The following PCDHA10 variants were observed in gnomAD, a reference collection of about 807,000 sequenced individuals.
PCDHA10 encodes the protein protocadherin alpha 10, also known as protocadherin alpha-10.
PCDHA10 carries 45 observed loss-of-function variants against 61.2 expected under a neutral mutation model. That is an observed-to-expected ratio of 0.74 (90% confidence interval 0.58 to 0.94). PCDHA10 has a LOEUF of 0.94. Ranked by LOEUF, PCDHA10 falls within the 40% of genes least tolerant of loss-of-function variation. PCDHA10 has a pLI of 0.00. For missense variants in PCDHA10, 1,278 were observed against 1,236.2 expected (o/e 1.03, Z -0.51); for synonymous variants, 602 against 548.8 (o/e 1.10, Z -1.35).
intron 1 of PCDHA10, chr5:140,862,278 C>G (rs1367349322): frequency 7.9e-6 from 2 of 252,960 alleles, no homozygotes; most frequent in Middle Eastern, 1.4e-3. Context: ...CTATCATTCC[C>G]TGTACAGGAG....
At chr5:140,885,124 T>C (rs1019759458) in intron 1 of PCDHA10, among the ~76,000 whole-genome samples, 35 of 152,216 alleles carry the variant, frequency 2.3e-4, no homozygotes, top group African/African-American at 8.2e-4. Flanking sequence ...TGCACTTTTC[T>C]TTCTTTCTTT....
At chr5:140,962,716 G>A (rs1268660102) in intron 1 of PCDHA10, among the ~76,000 whole-genome samples, 2 of 152,304 alleles carry the variant, frequency 1.3e-5, no homozygotes, top group East Asian at 3.9e-4. Context: ...ATATTGGAAA[G>A]TATTTTCCTT....
chr5:140,904,939 T>G (rs1418494936), intron 1 of PCDHA10, among the ~76,000 whole-genome samples: 3 of 152,254 alleles, frequency 2.0e-5, no homozygotes, highest in Admixed American at 2.0e-4. Flanking sequence ...TTCTGGATAT[T>G]AGTCCTTTGT....
chr5:140,875,654 C>A lies in PCDHA10; in HGVS notation c.2388+17218C>A, dbSNP rs781924559. The stretch of plus-strand genomic sequence containing the variant: ...GGGCTGGAGCTGGCGGAGCTGGTGC[C>A]GCGCCTGTTCCGGGTGGCGTCCAAA... On this transcript the variant is annotated intron_variant, in intron 1 of 3. Transcript: ENST00000307360. 54 of 1,613,584 alleles carry A rather than the reference C, an allele frequency of 3.3e-5. No homozygotes were observed. Among genetic ancestry groups the A allele is most frequent in the African/African-American group, 1.3e-4 (10 of 74,926 alleles).
At chr5:140,915,466 T>C (rs2077134247) in intron 1 of PCDHA10, among the ~76,000 whole-genome samples, 1 of 152,176 alleles carries the variant, frequency 6.6e-6, no homozygotes, top group South Asian at 2.1e-4. Context: ...AGGTTTTTAT[T>C]TGAAGGAGCT....
At chr5:140,879,141 G>T (rs1413837977) in intron 1 of PCDHA10, among the ~76,000 whole-genome samples, 1 of 152,192 alleles carries the variant, frequency 6.6e-6, no homozygotes, top group Non-Finnish European at 1.5e-5. Flanking sequence ...GATTGTGAAG[G>T]CAGGAAAGCT....
chr5:140,863,022 C>T (rs1339638342), intron 1 of PCDHA10: 3 of 554,506 alleles, frequency 5.4e-6, no homozygotes, highest in Non-Finnish European at 7.1e-6. Flanking sequence ...GCCTGGTTGT[C>T]GCAACAGCTG....
chr5:140,889,767 C>T (rs539294045), intron 1 of PCDHA10, among the ~76,000 whole-genome samples: 29 of 152,202 alleles, frequency 1.9e-4, no homozygotes, highest in African/African-American at 6.7e-4. Context: ...TGAACTTTGA[C>T]TGGTCTTAAT....
At chr5:140,986,397 C>T (rs943993265) in intron 3 of PCDHA10, among the ~76,000 whole-genome samples, 8 of 152,280 alleles carry the variant, frequency 5.3e-5, no homozygotes, top group Admixed American at 3.9e-4. Flanking sequence ...AAGGGCCAGT[C>T]GCTCATGTTA....
chr5:140,877,914 A>AT (rs2057394520), intron 1 of PCDHA10: 3 of 1,426,804 alleles, frequency 2.1e-6, no homozygotes, highest in Non-Finnish European at 2.8e-6. Flanking sequence ...ACATTCTCTC[A>AT]TTTTTCTTTA....
intron 1 of PCDHA10, among the ~76,000 whole-genome samples, chr5:140,914,503 T>C (rs2879076): frequency 0.12 from 17,707 of 152,222 alleles, 1,150 homozygotes; most frequent in Middle Eastern, 0.19. Context: ...CAACAGATCA[T>C]TGGGTCATGT....
At chr5:140,877,273 T>C (rs1324679559) in intron 1 of PCDHA10, 2 of 1,613,722 alleles carry the variant, frequency 1.2e-6, no homozygotes, top group Non-Finnish European at 1.7e-6. Context: ...GGACGCTGAC[T>C]CCGGCTATAA....
At chr5:140,926,183 C>A (rs1287609954) in intron 1 of PCDHA10, among the ~76,000 whole-genome samples, 2 of 151,712 alleles carry the variant, frequency 1.3e-5, no homozygotes, top group African/African-American at 4.8e-5. Context: ...GGAAAGCCCC[C>A]CGCAGCACTT....
At chr5:140,984,453 T>C (rs2097104309) in intron 3 of PCDHA10, among the ~76,000 whole-genome samples, 1 of 152,254 alleles carries the variant, frequency 6.6e-6, no homozygotes, top group South Asian at 2.1e-4. Flanking sequence ...CCTTTCTTAC[T>C]GTCCCAGCCC....
intron 1 of PCDHA10, among the ~76,000 whole-genome samples, chr5:140,873,668 T>G (rs1315193684): frequency 6.6e-6 from 1 of 152,206 alleles, no homozygotes; most frequent in Non-Finnish European, 1.5e-5. Flanking sequence ...TATTATTATT[T>G]GTTTCTTTTT....
At position 140,858,274 on chromosome 5, in the gene PCDHA10, G is replaced by T; in HGVS notation, c.2226G>T (p.Ala742=). The change falls in exon 1 of 4, where the codon GCG becomes GCT. Residue 742 remains alanine, a synonymous_variant. Coordinates refer to ENST00000307360, the MANE Select transcript of PCDHA10 (RefSeq NM_018901.4). ...PVKPTLVCSS[A]VGSWSYSQQR... ...AGCCCACGCTGGTGTGCTCTAGCGCGGTGGGGAGCTGGTCTTACTCGCAGC... is the reference window on the plus strand; with the variant it reads ...AGCCCACGCTGGTGTGCTCTAGCGCTGTGGGGAGCTGGTCTTACTCGCAGC... 6.3e-7 allele frequency: 1 copy of T among 1,597,416 alleles called. No homozygotes were observed. The highest frequency in any genetic ancestry group is 8.6e-7 in the Non-Finnish European group (1 of 1,167,116).
At chr5:140,946,191 CAAAAG>C (rs2093900144) in intron 1 of PCDHA10, among the ~76,000 whole-genome samples, 1 of 151,950 alleles carries the variant, frequency 6.6e-6, no homozygotes, top group Non-Finnish European at 1.5e-5. Flanking sequence ...AGACATTTCT[CAAAAG>C]AAAGCACACA....
intron 1 of PCDHA10, chr5:140,927,568 A>G: frequency 1.9e-6 from 3 of 1,614,174 alleles, no homozygotes; most frequent in Non-Finnish European, 2.5e-6. Context: ...TGTGGTGGAC[A>G]CAAATGACAA....
intron 1 of PCDHA10, among the ~76,000 whole-genome samples, chr5:140,973,003 C>T (rs1417207719): frequency 4.0e-5 from 6 of 151,856 alleles, no homozygotes; most frequent in African/African-American, 7.3e-5. Flanking sequence ...CATTTGTGGT[C>T]GTGGTGTTGT....
Sources: gnomAD v4.1 joint callset for allele counts (sites outside exome capture counted in the v4.1 genomes callset) on GRCh38, gnomAD v4.1.1 for gene constraint, MANE v1.5 for transcripts, NCBI Gene and HGNC (gene_info 2026-07-23, HGNC 2026-07-21) for gene names.